The following EYA1 variants were observed in gnomAD, a reference collection of about 807,000 sequenced individuals.
EYA1 encodes the protein EYA transcriptional coactivator and phosphatase 1, also known as protein phosphatase EYA1.
Under a neutral mutation model 82.0 loss-of-function variants are expected in EYA1, and 16 were observed. That is an observed-to-expected ratio of 0.20 (90% CI 0.13 to 0.30). EYA1 has a LOEUF of 0.30. Ranked by LOEUF, EYA1 falls within the 10% of genes least tolerant of loss-of-function variation. EYA1 has a pLI of 1.00. For synonymous variants in EYA1, 261 were observed against 264.4 expected, an observed-to-expected ratio of 0.99 and a Z score of 0.12; for missense variants, 633 against 730.7, an observed-to-expected ratio of 0.87 and a Z score of 1.54.
At chr8:71,507,254 G>A (rs1364675745) in intron 2 of EYA1, among the ~76,000 whole-genome samples, 1 of 152,166 alleles carries the variant, frequency 6.6e-6, no homozygotes, top group Non-Finnish European at 1.5e-5. Flanking sequence ...TCACAGAGCT[G>A]GTAAGTGTTA....
intron 3 of EYA1, among the ~76,000 whole-genome samples, chr8:71,347,835 TG>T (rs1217248389): frequency 1.3e-5 from 2 of 149,546 alleles, no homozygotes; most frequent in Non-Finnish European, 3.0e-5. Flanking sequence ...GGAATGTGTT[TG>T]GTAGAGTCTG....
intron 4 of EYA1, among the ~76,000 whole-genome samples, chr8:71,328,265 C>A (rs938790277): frequency 6.6e-6 from 1 of 152,074 alleles, no homozygotes; most frequent in Non-Finnish European, 1.5e-5. Context: ...TTTTACAAAC[C>A]GTAAGCCCTG....
At position 71,472,788 on chromosome 8, in the gene EYA1, G is replaced by GATATATATATATATATATAT. The variant is rs71264559; in HGVS notation, c.33+62936_33+62955dup. Among the ~76,000 whole-genome samples the GATATATATATATATATATAT allele has an allele frequency of 5.5e-3, 698 of 126,476 alleles. 8 individuals carry two copies. Among genetic ancestry groups the GATATATATATATATATATAT allele is most frequent in the East Asian group, 0.03 (84 of 2,788 alleles). The allele number at this position is 126,476 out of a possible 152,430, so 83.0% of individuals were successfully genotyped here. A position where few individuals can be genotyped will look rare whatever the true frequency, so the allele number is the denominator to read the frequency against. ...CATGCATTTTAGATGTAGCTTTGAA[G>GATATATATATATATATATAT]ATATATATATATATATATATATATA... On this transcript the variant is annotated intron_variant, in intron 2 of 18. Coordinates refer to the EYA1 transcript ENST00000643681.
chr8:71,420,927 G>A (rs570167814), intron 2 of EYA1, among the ~76,000 whole-genome samples: 9 of 152,142 alleles, frequency 5.9e-5, no homozygotes, highest in Non-Finnish European at 1.3e-4. Context: ...CATTAACATG[G>A]CAATTAAAAA....
At chr8:71,409,100 G>A (rs1830444049) in intron 2 of EYA1, among the ~76,000 whole-genome samples, 2 of 98,400 alleles carry the variant, frequency 2.0e-5, no homozygotes, top group Admixed American at 1.0e-4. Context: ...CATGGAAACT[G>A]AACAACCTGC....
intron 2 of EYA1, among the ~76,000 whole-genome samples, chr8:71,516,173 T>C (rs1489935414): frequency 6.6e-6 from 1 of 152,190 alleles, no homozygotes; most frequent in African/African-American, 2.4e-5. Context: ...TCTCATGTAC[T>C]CTGTTTATTC....
At chr8:71,320,810 AAAG>A (rs1312088443) in intron 6 of EYA1, among the ~76,000 whole-genome samples, 3 of 152,086 alleles carry the variant, frequency 2.0e-5, no homozygotes, top group Non-Finnish European at 4.4e-5. Flanking sequence ...ATACCACAGA[AAAG>A]AATACTACAA....
In EYA1 at chr8:71,380,150, T is replaced by C. The variant is rs191725176; in HGVS notation, c.34-23639A>G. Reference sequence around the variant, plus strand: ...TGGATTGGTTCAATAGCCTCTTTTTTCTGTCCCCTTTCCTCTTGATGTTAA... The same window carrying C: ...TGGATTGGTTCAATAGCCTCTTTTTCCTGTCCCCTTTCCTCTTGATGTTAA... On this transcript the variant is annotated intron_variant, in intron 2 of 18. Transcript: ENST00000643681. 1.8e-3 allele frequency among the ~76,000 whole-genome samples: 273 copies of C among 152,336 alleles called. 1 individual carries two copies. The highest frequency in any genetic ancestry group is 6.2e-3 in the African/African-American group (259 of 41,580).
chr8:71,447,505 G>T (rs1311958638), intron 2 of EYA1, among the ~76,000 whole-genome samples: 2 of 152,066 alleles, frequency 1.3e-5, no homozygotes, highest in African/African-American at 4.8e-5. Context: ...TTTTCAGATT[G>T]ATGTTTTGTG....
At chr8:71,235,972 G>A (rs924602591) in intron 12 of EYA1, among the ~76,000 whole-genome samples, 3 of 152,088 alleles carry the variant, frequency 2.0e-5, no homozygotes, top group South Asian at 2.1e-4. Context: ...ATATATCGTC[G>A]TGGCTTTTAA....
intron 11 of EYA1, among the ~76,000 whole-genome samples, chr8:71,254,783 A>G (rs1032253195): frequency 6.6e-5 from 10 of 152,132 alleles, no homozygotes; most frequent in African/African-American, 2.2e-4. Flanking sequence ...AAGTAAAATG[A>G]TATCTGTTTA....
At position 71,198,890 on chromosome 8, in the gene EYA1, G is replaced by A. The variant is rs554820547; in HGVS notation, c.*450C>T. On this transcript the variant is annotated 3_prime_UTR_variant, in exon 18 of 18. Transcript: ENST00000340726. The stretch of plus-strand genomic sequence containing the variant: ...AGTAGAGATGTACAGATTACCCTGG[G>A]TATGAGACACCAAAAAGTAAACCTT... 2.6e-4 allele frequency: 60 copies of A among 230,700 alleles called. 1 individual carries two copies. The highest frequency in any genetic ancestry group is 2.6e-3 in the South Asian group (41 of 15,884). The allele number at this position is 230,700 out of a possible 1,614,324, so 14.3% of individuals were successfully genotyped here.
intron 17 of EYA1, among the ~76,000 whole-genome samples, chr8:71,210,574 A>T (rs541098395): frequency 3.3e-5 from 5 of 152,212 alleles, no homozygotes; most frequent in Non-Finnish European, 5.9e-5. Context: ...ACCTGCAGAG[A>T]TTCAGAAGAA....
At chr8:71,398,836 C>T (rs1335004639) in intron 2 of EYA1, among the ~76,000 whole-genome samples, 3 of 152,220 alleles carry the variant, frequency 2.0e-5, no homozygotes, top group Non-Finnish European at 2.9e-5. Context: ...CAGACAGAGA[C>T]ATTTAAGTCT....
chr8:71,456,350 T>C (rs12550351), intron 2 of EYA1, among the ~76,000 whole-genome samples: 75,163 of 152,032 alleles, frequency 0.49, 21,291 homozygotes, highest in African/African-American at 0.76. Flanking sequence ...TTTATAGATT[T>C]AATGTCATCC....
chr8:71,221,278 A>G (rs1347707819), intron 12 of EYA1, among the ~76,000 whole-genome samples: 1 of 141,670 alleles, frequency 7.1e-6, no homozygotes, highest in Non-Finnish European at 1.6e-5. Context: ...CAGACTATCC[A>G]TGCTGGACCT....
At chr8:71,406,818 G>A (rs1406074911) in intron 2 of EYA1, among the ~76,000 whole-genome samples, 1 of 146,034 alleles carries the variant, frequency 6.8e-6, no homozygotes, top group Non-Finnish European at 1.5e-5. Flanking sequence ...CCATTGCCCA[G>A]GCTTGCTTAG....
At chr8:71,482,506 T>C (rs1810241426) in intron 2 of EYA1, among the ~76,000 whole-genome samples, 1 of 152,278 alleles carries the variant, frequency 6.6e-6, no homozygotes, top group Non-Finnish European at 1.5e-5. Flanking sequence ...AGACCTATGT[T>C]TATCCTAAAA....
At chr8:71,289,986 A>G (rs560390852) in intron 9 of EYA1, among the ~76,000 whole-genome samples, 6 of 152,322 alleles carry the variant, frequency 3.9e-5, no homozygotes, top group African/African-American at 1.4e-4. Flanking sequence ...ATGTTTATAT[A>G]AGCAAAGAAT....
Sources: gnomAD v4.1 joint callset for allele counts (sites outside exome capture counted in the v4.1 genomes callset) on GRCh38, gnomAD v4.1.1 for gene constraint, MANE v1.5 for transcripts, NCBI Gene and HGNC (gene_info 2026-07-23, HGNC 2026-07-21) for gene names.